DTNB: variants seen among roughly 807,000 people sequenced by gnomAD.
The protein encoded by DTNB is dystrobrevin beta.
DTNB carries 63 observed loss-of-function variants against 90.7 expected under a neutral mutation model. The observed-to-expected ratio is 0.69, with a 90% confidence interval of 0.57 to 0.86. The LOEUF (loss-of-function observed/expected upper bound fraction) is 0.86. Among genes scored for constraint, DTNB ranks in the 40% least tolerant of loss-of-function variants. DTNB has a pLI of 0.00. For missense variants in DTNB, 744 were observed against 807.1 expected (o/e 0.92, Z 0.95); for synonymous variants, 277 against 286.7 (o/e 0.97, Z 0.34).
At chr2:25,569,969 C>T (rs1239240616) in intron 8 of DTNB, among the ~76,000 whole-genome samples, 2 of 151,774 alleles carry the variant, frequency 1.3e-5, no homozygotes, top group Admixed American at 6.6e-5. Context: ...TGGTGGCGGG[C>T]GCCTGTAATC....
chr2:25,434,131 A>G (rs2054886106), intron 12 of DTNB, 136 bp from the exon 13 acceptor site: 1 of 728,712 alleles, frequency 1.4e-6, no homozygotes, highest in Admixed American at 2.9e-5. Context: ...TAAGTATACA[A>G]TTCAATGAGT....
chr2:25,632,851 T>A (rs2076068420), intron 3 of DTNB, among the ~76,000 whole-genome samples: 1 of 152,130 alleles, frequency 6.6e-6, no homozygotes, highest in Non-Finnish European at 1.5e-5. Flanking sequence ...GCCACAAACA[T>A]ATTACTTAAT....
At chr2:25,416,687 C>T (rs1484454662) in intron 16 of DTNB, among the ~76,000 whole-genome samples, 2 of 151,914 alleles carry the variant, frequency 1.3e-5, no homozygotes, top group Non-Finnish European at 2.9e-5. Context: ...AAAAATTTTC[C>T]CTACCTGCAA....
chr2:25,468,818 C>T (rs1262075764), intron 10 of DTNB, among the ~76,000 whole-genome samples: 4 of 152,052 alleles, frequency 2.6e-5, no homozygotes, highest in Non-Finnish European at 5.9e-5. Context: ...AAAGTGTTTA[C>T]CTATAAGGTC....
chr2:25,471,549 C>A (rs1558664337), intron 10 of DTNB, among the ~76,000 whole-genome samples: 1 of 152,136 alleles, frequency 6.6e-6, no homozygotes, highest in Non-Finnish European at 1.5e-5. Flanking sequence ...GTGTGCACCA[C>A]AAAGCCCGGC....
chr2:25,540,367 C>T (rs989299440), intron 8 of DTNB, among the ~76,000 whole-genome samples: 2 of 152,152 alleles, frequency 1.3e-5, no homozygotes, highest in African/African-American at 4.8e-5. Flanking sequence ...TATGTCTGTT[C>T]TTATTCCTAG....
At chr2:25,618,492 C>G (rs1472940265) in intron 4 of DTNB, among the ~76,000 whole-genome samples, 1 of 152,152 alleles carries the variant, frequency 6.6e-6, no homozygotes, top group Admixed American at 6.5e-5. Flanking sequence ...AAGTTTATAC[C>G]AGAATCAATT....
intron 1 of DTNB, among the ~76,000 whole-genome samples, chr2:25,659,213 G>A (rs2082668797): frequency 6.6e-6 from 1 of 152,186 alleles, no homozygotes; most frequent in Admixed American, 6.5e-5. Context: ...ATAAGGTAGT[G>A]GAAGGACTGA....
intron 16 of DTNB, among the ~76,000 whole-genome samples, chr2:25,418,612 T>C (rs1191001765): frequency 6.6e-6 from 1 of 151,712 alleles, no homozygotes; most frequent in Non-Finnish European, 1.5e-5. Flanking sequence ...GGCAGGAGAA[T>C]TACTTGAACT....
chr2:25,434,429 G>A (rs1367681526), intron 12 of DTNB, among the ~76,000 whole-genome samples: 3 of 116,522 alleles, frequency 2.6e-5, no homozygotes, highest in Non-Finnish European at 4.9e-5. Context: ...TTTGAGATAA[G>A]GTCTTGCTCT....
intron 8 of DTNB, among the ~76,000 whole-genome samples, chr2:25,569,876 C>T (rs1470332023): frequency 6.6e-6 from 1 of 152,008 alleles, no homozygotes; most frequent in Non-Finnish European, 1.5e-5. Flanking sequence ...GCGGGCAGAT[C>T]ACCTGAGGTC....
intron 10 of DTNB, among the ~76,000 whole-genome samples, chr2:25,479,479 T>C (rs2064466860): frequency 6.6e-6 from 1 of 152,190 alleles, no homozygotes; most frequent in African/African-American, 2.4e-5. Context: ...TAAAAGAAAG[T>C]AAATTTCAAG....
At chr2:25,527,681 C>T (rs968896588) in intron 9 of DTNB, among the ~76,000 whole-genome samples, 18 of 152,030 alleles carry the variant, frequency 1.2e-4, no homozygotes, top group Non-Finnish European at 2.5e-4. Context: ...CCTACCAATA[C>T]AAAATACTCC....
chr2:25,502,506 G>A (rs1439839781), intron 9 of DTNB, among the ~76,000 whole-genome samples: 1 of 152,062 alleles, frequency 6.6e-6, no homozygotes, highest in Non-Finnish European at 1.5e-5. Flanking sequence ...GCTGAGGCAG[G>A]AAGATCGCGA....
At chr2:25,523,373 C>T (rs565138589) in intron 9 of DTNB, among the ~76,000 whole-genome samples, 13 of 152,288 alleles carry the variant, frequency 8.5e-5, no homozygotes, top group Non-Finnish European at 1.8e-4. Context: ...GGTGCAGTGG[C>T]TCACGCCTGT....
At chr2:25,560,362 C>T (rs983968602) in intron 8 of DTNB, among the ~76,000 whole-genome samples, 1 of 152,230 alleles carries the variant, frequency 6.6e-6, no homozygotes, top group African/African-American at 2.4e-5. Flanking sequence ...ATGAGATTAA[C>T]ATTTATATTG....
chr2:25,623,064 A>T (rs2073172499), intron 4 of DTNB, among the ~76,000 whole-genome samples: 1 of 152,168 alleles, frequency 6.6e-6, no homozygotes, highest in South Asian at 2.1e-4. Flanking sequence ...TAATAGATAA[A>T]GAGGAAAGAA....
chr2:25,498,004 G>T (rs146275308), intron 9 of DTNB, among the ~76,000 whole-genome samples: 1 of 151,956 alleles, frequency 6.6e-6, no homozygotes, highest in Non-Finnish European at 1.5e-5. Context: ...TTCTCTACTA[G>T]TCTCCCAAAT....
intron 10 of DTNB, among the ~76,000 whole-genome samples, chr2:25,459,630 A>T (rs1558618450): frequency 6.6e-6 from 1 of 152,098 alleles, no homozygotes; most frequent in Non-Finnish European, 1.5e-5. Flanking sequence ...AGTAACTGGG[A>T]TTACAGGCGT....
Sources: gnomAD v4.1 joint callset for allele counts (sites outside exome capture counted in the v4.1 genomes callset) on GRCh38, gnomAD v4.1.1 for gene constraint, MANE v1.5 for transcripts, NCBI Gene and HGNC (gene_info 2026-07-23, HGNC 2026-07-21) for gene names.